KAZN: variants seen among roughly 807,000 people sequenced by gnomAD.
KAZN encodes the protein kazrin, periplakin interacting protein, also known as kazrin.
Under a neutral mutation model 87.4 loss-of-function variants are expected in KAZN, and 40 were observed. That is an observed-to-expected ratio of 0.46 (90% CI 0.36 to 0.60). The LOEUF is 0.60. Ranked by LOEUF, KAZN falls within the 20% of genes least tolerant of loss-of-function variation. KAZN has a pLI of 0.00. For missense variants in KAZN, 898 were observed against 1,073.9 expected (o/e 0.84, Z 2.29); for synonymous variants, 466 against 458.3 (o/e 1.02, Z -0.22).
At chr1:14,514,226 G>C (rs1236398259) in intron 2 of KAZN, among the ~76,000 whole-genome samples, 49 of 139,848 alleles carry the variant, frequency 3.5e-4, no homozygotes, top group African/African-American at 1.3e-3. Context: ...TCGGGAGGCT[G>C]AGGCAGGAGA....
At chr1:14,498,366 C>T (rs1670064619) in intron 2 of KAZN, among the ~76,000 whole-genome samples, 1 of 152,210 alleles carries the variant, frequency 6.6e-6, no homozygotes, top group Admixed American at 6.5e-5. Flanking sequence ...AGGCAGTGCT[C>T]TCTGGCTTCT....
At chr1:14,026,686 A>G (rs530043142) in intron 1 of KAZN, among the ~76,000 whole-genome samples, 1 of 152,296 alleles carries the variant, frequency 6.6e-6, no homozygotes, top group African/African-American at 2.4e-5. Flanking sequence ...ACAGATTCTG[A>G]TTCAATAGAT....
At chr1:14,581,843 C>T (rs1429617234) in intron 2 of KAZN, among the ~76,000 whole-genome samples, 3 of 152,186 alleles carry the variant, frequency 2.0e-5, no homozygotes, top group Non-Finnish European at 4.4e-5. Flanking sequence ...CTGGATAAGT[C>T]AGGTTCCCCA....
At chr1:14,239,455 CTTTTTTT>C (rs386366265) in intron 2 of KAZN, among the ~76,000 whole-genome samples, 4 of 95,708 alleles carry the variant, frequency 4.2e-5, no homozygotes, top group Non-Finnish European at 6.0e-5. Flanking sequence ...AGTTGGGTTT[CTTTTTTT>C]TTTTTTTTTT....
rs1570961827 is a variant in KAZN at position 14,184,617 on chromosome 1, T to G, written c.249+4025T>G. ...TGGGTGGCTTCGTTTTTCTTTTCTC[T>G]TTTTAAAAGAGCTGTCTAGCAAACT... On this transcript the variant is annotated intron_variant, in intron 2 of 16. Coordinates refer to the KAZN transcript ENST00000636203. The surrounding 1 kb of genome is among the most constrained non-coding windows in gnomAD (Gnocchi z 4.2). Among the ~76,000 whole-genome samples, 1 of 152,148 alleles carries G rather than the reference T, an allele frequency of 6.6e-6. No homozygotes were observed. The highest frequency in any genetic ancestry group is 1.9e-4 in the East Asian group (1 of 5,166).
intron 1 of KAZN, among the ~76,000 whole-genome samples, chr1:14,723,157 C>T (rs937507547): frequency 6.6e-6 from 1 of 152,026 alleles, no homozygotes; most frequent in African/African-American, 2.4e-5. Flanking sequence ...ATAAAATCTC[C>T]ATTTCCTCCT....
chr1:14,080,073 G>A (rs549947467), intron 1 of KAZN, among the ~76,000 whole-genome samples: 2 of 110,526 alleles, frequency 1.8e-5, no homozygotes, highest in African/African-American at 6.8e-5. Context: ...AATTTTGGGG[G>A]GATGTAAACA....
At chr1:14,445,321 C>T (rs906826990) in intron 2 of KAZN, among the ~76,000 whole-genome samples, 48 of 152,252 alleles carry the variant, frequency 3.2e-4, no homozygotes, top group Admixed American at 7.2e-4. Context: ...CCACTGCACC[C>T]GGCCAACTGG....
At chr1:14,098,616 C>A (rs973712886) in intron 1 of KAZN, among the ~76,000 whole-genome samples, 10 of 152,202 alleles carry the variant, frequency 6.6e-5, no homozygotes, top group Non-Finnish European at 1.5e-4. Context: ...TCCCTCTGCC[C>A]AGACTGCATT....
At chr1:14,748,738 G>A (rs900525514) in intron 1 of KAZN, among the ~76,000 whole-genome samples, 1 of 152,172 alleles carries the variant, frequency 6.6e-6, no homozygotes, top group Non-Finnish European at 1.5e-5. Flanking sequence ...GACTAAATGA[G>A]GCAATGTATG....
chr1:14,657,999 C>T (rs943325474), intron 1 of KAZN, among the ~76,000 whole-genome samples: 2 of 152,166 alleles, frequency 1.3e-5, no homozygotes, highest in East Asian at 3.8e-4. Flanking sequence ...AGTCCATAGG[C>T]ACATGGCAGT....
At chr1:14,080,884 A>G (rs1643650164) in intron 1 of KAZN, among the ~76,000 whole-genome samples, 1 of 152,168 alleles carries the variant, frequency 6.6e-6, no homozygotes, top group Non-Finnish European at 1.5e-5. Context: ...CCTCAGCACT[A>G]AACAGCCCTG....
At chr1:15,018,342 T>TA (rs964042034) in intron 2 of KAZN, among the ~76,000 whole-genome samples, 23 of 152,246 alleles carry the variant, frequency 1.5e-4, no homozygotes, top group Non-Finnish European at 4.4e-5. Flanking sequence ...AGTCTTGCCA[T>TA]AAAACTCTCG....
At position 14,773,004 on chromosome 1, in the gene KAZN, A is replaced by G. The variant is rs944953352; in HGVS notation, c.226+173781A>G. On this transcript the variant is annotated intron_variant, in intron 1 of 14. Transcript: ENST00000376030. This position sits in a 1 kb window ranked among gnomAD's most constrained non-coding sequence, Gnocchi z 5.9. ...CTTCCATGGTTCCCCACCAGCCAAG[A>G]GAATGGTATGAATGTCCACAGGCGG... 6.6e-6 allele frequency among the ~76,000 whole-genome samples: 1 copy of G among 152,018 alleles called. No individual in the cohort carries two copies. The highest frequency in any genetic ancestry group is 2.4e-5 in the African/African-American group (1 of 41,384).
chr1:14,543,870 A>T (rs995721510), intron 2 of KAZN, among the ~76,000 whole-genome samples: 48 of 152,348 alleles, frequency 3.2e-4, no homozygotes, highest in African/African-American at 1.2e-3. Flanking sequence ...CAATTAAATG[A>T]AAGGACTACC....
intron 1 of KAZN, among the ~76,000 whole-genome samples, chr1:14,729,425 G>T (rs1643573644): frequency 6.6e-6 from 1 of 152,168 alleles, no homozygotes; most frequent in African/African-American, 2.4e-5. Context: ...CACACTAATT[G>T]GTTCCATTCG....
chr1:14,387,088 C>A (rs1661980207), intron 2 of KAZN, among the ~76,000 whole-genome samples: 1 of 152,210 alleles, frequency 6.6e-6, no homozygotes, highest in African/African-American at 2.4e-5. Flanking sequence ...GATACCCTTT[C>A]TTCCAGTTGA....
chr1:14,555,344 A>T (rs568835893), intron 2 of KAZN, among the ~76,000 whole-genome samples: 1 of 152,338 alleles, frequency 6.6e-6, no homozygotes, highest in East Asian at 1.9e-4. Flanking sequence ...GACATTTAGC[A>T]ATTACAGTAA....
At chr1:14,330,796 AG>A (rs1656798881) in intron 2 of KAZN, among the ~76,000 whole-genome samples, 1 of 152,236 alleles carries the variant, frequency 6.6e-6, no homozygotes, top group Non-Finnish European at 1.5e-5. Flanking sequence ...ACACATACAT[AG>A]GAACACTATG....
Sources: gnomAD v4.1 joint callset for allele counts (sites outside exome capture counted in the v4.1 genomes callset) on GRCh38, gnomAD v4.1.1 for gene constraint, Gnocchi (gnomAD v3.1) non-coding constraint, MANE v1.5 for transcripts, NCBI Gene and HGNC (gene_info 2026-07-23, HGNC 2026-07-21) for gene names.